The following NR3C2 variants were observed in gnomAD, a reference collection of about 807,000 sequenced individuals.
NR3C2 encodes nuclear receptor subfamily 3 group C member 2.
In NR3C2, 15 loss-of-function variants were observed where a neutral mutation model predicts 86.4. That is an observed-to-expected ratio of 0.17 (90% CI 0.12 to 0.27). The LOEUF is 0.27. Ranked by LOEUF, NR3C2 falls within the 10% of genes least tolerant of loss-of-function variation. The probability of loss-of-function intolerance (pLI) is 1.00; values close to 1 mark genes in which losing one functional copy is unlikely to be tolerated. For synonymous variants in NR3C2, 458 were observed against 450.5 expected (o/e 1.02, Z -0.21); for missense variants, 960 against 1,195.6 (o/e 0.80, Z 2.91).
chr4:148,095,610 A>T (rs558690038), intron 8 of NR3C2, among the ~76,000 whole-genome samples: 6 of 152,178 alleles, frequency 3.9e-5, no homozygotes, highest in Non-Finnish European at 8.8e-5. Flanking sequence ...TCGGTGCAGC[A>T]GCTAAATGCT....
At chr4:148,220,847 A>G (rs1281810362) in intron 3 of NR3C2, among the ~76,000 whole-genome samples, 1 of 152,248 alleles carries the variant, frequency 6.6e-6, no homozygotes, top group Non-Finnish European at 1.5e-5. Flanking sequence ...CAATCAACCA[A>G]TCTCTAAAAA....
intron 2 of NR3C2, among the ~76,000 whole-genome samples, chr4:148,372,522 A>G (rs907270249): frequency 2.6e-5 from 4 of 152,114 alleles, no homozygotes; most frequent in African/African-American, 9.7e-5. Context: ...AACCCACTCA[A>G]ATTGTGAGAA....
intron 2 of NR3C2, among the ~76,000 whole-genome samples, chr4:148,371,451 T>C (rs1746417490): frequency 6.6e-6 from 1 of 152,192 alleles, no homozygotes; most frequent in Non-Finnish European, 1.5e-5. Flanking sequence ...GTTTGATGAC[T>C]TAATGATTCT....
intron 6 of NR3C2, among the ~76,000 whole-genome samples, chr4:148,137,844 C>G (rs1475645875): frequency 6.6e-6 from 1 of 152,070 alleles, no homozygotes; most frequent in Non-Finnish European, 1.5e-5. Context: ...AGAGAGAATG[C>G]CATATTAAAG....
At chr4:148,179,496 C>T (rs1020947073) in intron 4 of NR3C2, among the ~76,000 whole-genome samples, 25 of 151,716 alleles carry the variant, frequency 1.6e-4, no homozygotes, top group Non-Finnish European at 2.7e-4. Context: ...GAAAAGCAGA[C>T]TCCTTGGGTA....
rs1418630906 is a variant in NR3C2, at chr4:148,322,456, T to A, written c.1758-62339A>T. On this transcript the variant is annotated intron_variant, in intron 2 of 8. Transcript: ENST00000358102. ...GCTAGATTGGGGAAGTTCTCCTGGA[T>A]AATATCCTGCAGAGTGCTTTCCAAC... Among the ~76,000 whole-genome samples the A allele has an allele frequency of 8.0e-5, 9 of 111,898 alleles. 2 individuals are homozygous for A. In the East Asian group the frequency reaches 2.2e-3, roughly 27 times the overall value. The allele number at this position is 111,898 out of a possible 152,430, so 73.4% of individuals were successfully genotyped here.
At chr4:148,374,352 T>C (rs1746569829) in intron 2 of NR3C2, among the ~76,000 whole-genome samples, 1 of 152,212 alleles carries the variant, frequency 6.6e-6, no homozygotes, top group African/African-American at 2.4e-5. Flanking sequence ...GTCTAGACTC[T>C]TCACATTGGA....
In NR3C2 at chr4:148,282,164, G is replaced by T. The variant is rs537655698; in HGVS notation, c.1758-22047C>A. ...CCTGCCTCAGCCTCCACAGTAGCTG[G>T]GACTACAGGCGTGCACCACCATGCC... On this transcript the variant is annotated intron_variant, in intron 2 of 8. Coordinates refer to ENST00000358102, the MANE Select transcript of NR3C2 (RefSeq NM_000901.5). Among the ~76,000 whole-genome samples the T allele has an allele frequency of 2.0e-5, 3 of 152,122 alleles. No individual in the cohort carries two copies. The South Asian group carries it at 6.3e-4, about 32-fold the overall frequency.
intron 2 of NR3C2, among the ~76,000 whole-genome samples, chr4:148,269,265 G>A (rs1740549277): frequency 6.6e-6 from 1 of 152,206 alleles, no homozygotes; most frequent in Admixed American, 6.5e-5. Context: ...AAGCATCCAT[G>A]GTGGACTGTG....
chr4:148,319,505 A>G (rs1725032307), intron 2 of NR3C2, among the ~76,000 whole-genome samples: 1 of 150,520 alleles, frequency 6.6e-6, no homozygotes, highest in South Asian at 2.2e-4. Context: ...CTTCCTACCC[A>G]TGAGCATGGA....
chr4:148,120,608 G>C (rs1279022648), intron 6 of NR3C2, among the ~76,000 whole-genome samples: 2 of 152,184 alleles, frequency 1.3e-5, no homozygotes, highest in African/African-American at 4.8e-5. Context: ...GTGTGTTACA[G>C]TGAGACCATC....
intron 6 of NR3C2, among the ~76,000 whole-genome samples, chr4:148,121,839 G>C (rs1732517191): frequency 6.6e-6 from 1 of 152,188 alleles, no homozygotes; most frequent in Non-Finnish European, 1.5e-5. Flanking sequence ...AGCTTCATTT[G>C]TTTGAATGTA....
At chr4:148,243,050 A>G (rs1739141318) in intron 3 of NR3C2, among the ~76,000 whole-genome samples, 1 of 148,478 alleles carries the variant, frequency 6.7e-6, no homozygotes, top group Admixed American at 6.7e-5. Flanking sequence ...TAATTTTTAG[A>G]GACAAAGTCT....
intron 2 of NR3C2, among the ~76,000 whole-genome samples, chr4:148,384,472 T>C (rs1478855370): frequency 7.0e-6 from 1 of 142,514 alleles, no homozygotes; most frequent in Non-Finnish European, 1.6e-5. Context: ...CAAATAAGAA[T>C]TTGTTTTTTT....
Position 148,079,138 on chromosome 4 carries a change from A to AAAC in NR3C2, c.*2203_*2205dup, listed in dbSNP as rs1165215727. The AAAC allele has an allele frequency of 1.3e-5, 2 of 152,430 alleles. No homozygotes were observed. Among genetic ancestry groups the AAAC allele is most frequent in the Non-Finnish European group, 2.9e-5 (2 of 68,034 alleles). The allele number at this position is 152,430 out of a possible 1,614,324, so 9.4% of individuals were successfully genotyped here. A position where few individuals can be genotyped will look rare whatever the true frequency, so the allele number is the denominator to read the frequency against. On this transcript the variant is annotated 3_prime_UTR_variant, in exon 9 of 9. Transcript: ENST00000358102. ...GTAAGTCAGAATTCCCATTTTATAA[A>AAAC]AACTAAGTCTGAACTAAAAGCTGCT...
rs780425141 is a variant in NR3C2 at position 148,436,782 on chromosome 4, C to T, written c.79G>A (p.Glu27Lys). ...TCTGTAGGTCCCAGGGAAGAACGCTCCACAGCCTGAGAAACTTGACCCCAC... is the reference window on the plus strand; with the variant it reads ...TCTGTAGGTCCCAGGGAAGAACGCTTCACAGCCTGAGAAACTTGACCCCAC... ...RRWGQVSQAV[E>K]RSSLGPTERT... Residue 27 changes from glutamate to lysine, a missense_variant, in exon 2 of 9, where the codon GAG becomes AAG. Transcript: ENST00000358102. The T allele has an allele frequency of 8.7e-6, 14 of 1,613,786 alleles. No individual in the cohort carries two copies. The highest frequency in any genetic ancestry group is 1.2e-5 in the Non-Finnish European group (14 of 1,179,856).
At chr4:148,203,612 C>T (rs115864439) in intron 3 of NR3C2, among the ~76,000 whole-genome samples, 2,408 of 152,164 alleles carry the variant, frequency 0.016, 37 homozygotes, top group Middle Eastern at 0.034. Context: ...CAAATTCCCG[C>T]ATTGCAGATT....
At chr4:148,265,461 G>A (rs531163425) in intron 2 of NR3C2, among the ~76,000 whole-genome samples, 26 of 152,260 alleles carry the variant, frequency 1.7e-4, no homozygotes, top group African/African-American at 5.5e-4. Context: ...CTAAGGCACC[G>A]TGTTGTTCCA....
chr4:148,231,706 CTTTTCCT>C (rs760740857), intron 3 of NR3C2, among the ~76,000 whole-genome samples: 105 of 152,248 alleles, frequency 6.9e-4, no homozygotes, highest in Non-Finnish European at 1.1e-3. Context: ...CAAAGATTTA[CTTTTCCT>C]TTCATGAAAG....
Sources: gnomAD v4.1 joint callset for allele counts (sites outside exome capture counted in the v4.1 genomes callset) on GRCh38, gnomAD v4.1.1 for gene constraint, MANE v1.5 for transcripts, NCBI Gene and HGNC (gene_info 2026-07-23, HGNC 2026-07-21) for gene names.